PIK3CB: variants seen among roughly 807,000 people sequenced by gnomAD.
PIK3CB encodes phosphatidylinositol-4,5-bisphosphate 3-kinase catalytic subunit beta, also known as phosphatidylinositol 4,5-bisphosphate 3-kinase catalytic subunit beta isoform.
PIK3CB carries 39 observed loss-of-function variants against 136.8 expected under a neutral mutation model. The observed-to-expected ratio is 0.29, with a 90% CI of 0.22 to 0.37. PIK3CB has a LOEUF of 0.37. PIK3CB is among the 10% of genes least tolerant of loss of function. PIK3CB has a pLI of 1.00. For missense variants in PIK3CB, 868 were observed against 1,275.4 expected (o/e 0.68, Z 4.87); for synonymous variants, 428 against 436.6 (o/e 0.98, Z 0.25).
At chr3:138,769,067 G>A (rs1248015260) in intron 2 of PIK3CB, among the ~76,000 whole-genome samples, 2 of 152,126 alleles carry the variant, frequency 1.3e-5, no homozygotes, top group Non-Finnish European at 2.9e-5. Context: ...TTGGGTAGCT[G>A]CAGCTGCTCC....
At position 138,688,954 on chromosome 3, in the gene PIK3CB, G is replaced by A. The variant is rs768188142; in HGVS notation, c.2057C>T (p.Ala686Val). The A allele has an allele frequency of 6.2e-7, 1 of 1,612,360 alleles. No homozygotes were observed. Among genetic ancestry groups the A allele is most frequent in the Non-Finnish European group, 8.5e-7 (1 of 1,178,390 alleles). The part of the protein sequence containing the change: ...WHLRSEVHIP[A>V]VSVQFGVILE... ...GATGACACCAAATTGTACTGAGACAGCAGGAATGTGCACTTCTGACCTGCA... is the reference window on the plus strand; with the variant it reads ...GATGACACCAAATTGTACTGAGACAACAGGAATGTGCACTTCTGACCTGCA... Residue 686 changes from alanine (A) to valine (V), a missense_variant, in exon 16 of 24, where the codon GCT (alanine) becomes GTT (valine). Ala to Val is a moderately conservative substitution (Grantham distance 64, BLOSUM62 0). Around this residue, in one of 4 missense-constraint regions of PIK3CB, gnomAD observed 165 missense variants for 295.4 expected, o/e 0.56. Transcript: ENST00000674063.
chr3:138,822,870 TATGAAATATATATATGAAATATTTATAC>T (rs1933622804), intron 1 of PIK3CB, among the ~76,000 whole-genome samples: 3 of 146,742 alleles, frequency 2.0e-5, no homozygotes, highest in South Asian at 2.1e-4. Context: ...ACGAAATATA[TATGAAATATATATATGAAATATTTATAC>T]ATGAAATATA....
At chr3:138,819,424 A>G (rs1011320901) in intron 1 of PIK3CB, among the ~76,000 whole-genome samples, 12 of 152,224 alleles carry the variant, frequency 7.9e-5, no homozygotes, top group Non-Finnish European at 1.2e-4. Flanking sequence ...AACTCTTGGT[A>G]AAGTTCTGAA....
At chr3:138,720,220 G>A (rs192609572) in intron 8 of PIK3CB, among the ~76,000 whole-genome samples, 102 of 152,170 alleles carry the variant, frequency 6.7e-4, no homozygotes, top group African/African-American at 2.2e-3. Flanking sequence ...ACAATCTCAC[G>A]ATGCCACCCT....
intron 19 of PIK3CB, among the ~76,000 whole-genome samples, chr3:138,678,518 A>C (rs1409011306): frequency 6.6e-6 from 1 of 152,322 alleles, no homozygotes; most frequent in East Asian, 1.9e-4. Flanking sequence ...AAGATAGTAG[A>C]AATAAATAAG....
At chr3:138,690,471 T>C (rs899525886) in intron 15 of PIK3CB, among the ~76,000 whole-genome samples, 3 of 151,802 alleles carry the variant, frequency 2.0e-5, no homozygotes, top group African/African-American at 7.2e-5. Flanking sequence ...TATATGAACT[T>C]GGTGAAGTAA....
intron 7 of PIK3CB, 129 bp downstream of exon 7, chr3:138,734,505 G>A (rs533971104): frequency 9.3e-6 from 5 of 535,404 alleles, no homozygotes; most frequent in South Asian, 4.6e-5. Context: ...AATGGTGATC[G>A]ATTTTTGGCA....
intron 22 of PIK3CB, among the ~76,000 whole-genome samples, chr3:138,657,019 G>C (rs539955560): frequency 7.9e-5 from 12 of 152,060 alleles, no homozygotes; most frequent in Non-Finnish European, 1.6e-4. Flanking sequence ...TGTGTGCCTT[G>C]GCCTCCCAAA....
At chr3:138,759,678 C>T (rs2045634968) in intron 2 of PIK3CB, among the ~76,000 whole-genome samples, 1 of 151,920 alleles carries the variant, frequency 6.6e-6, no homozygotes, top group Admixed American at 6.6e-5. Flanking sequence ...CACACACACA[C>T]CACATTGATT....
At chr3:138,716,048 CTT>C (rs1651121508) in intron 8 of PIK3CB, among the ~76,000 whole-genome samples, 2 of 151,780 alleles carry the variant, frequency 1.3e-5, no homozygotes, top group Admixed American at 6.6e-5. Context: ...ATATTTGAAA[CTT>C]TTCTTTTGAA....
intron 2 of PIK3CB, among the ~76,000 whole-genome samples, chr3:138,784,665 G>C (rs553617726): frequency 2.0e-5 from 3 of 152,286 alleles, no homozygotes; most frequent in East Asian, 1.9e-4. Context: ...TCCTGACCGC[G>C]AGTGATCTGC....
chr3:138,669,869 G>A (rs754449893), intron 19 of PIK3CB, among the ~76,000 whole-genome samples: 5 of 151,852 alleles, frequency 3.3e-5, no homozygotes, highest in Admixed American at 6.6e-5. Context: ...ACAGCTGGCC[G>A]AAAGAAAAAA....
intron 1 of PIK3CB, chr3:138,826,179 G>C: frequency 8.6e-7 from 1 of 1,166,992 alleles, no homozygotes. Context: ...GATGTATGTT[G>C]AGAGCTTCTA....
chr3:138,810,420 C>A (rs925330676), intron 1 of PIK3CB, among the ~76,000 whole-genome samples: 2 of 152,058 alleles, frequency 1.3e-5, no homozygotes, highest in African/African-American at 4.8e-5. Flanking sequence ...TGATCAAGGA[C>A]AACATCAACA....
At chr3:138,771,747 T>C (rs746449506) in intron 2 of PIK3CB, among the ~76,000 whole-genome samples, 31 of 152,026 alleles carry the variant, frequency 2.0e-4, no homozygotes, top group Admixed American at 5.3e-4. Context: ...TGAGACCCCA[T>C]CTCTACAAAA....
intron 10 of PIK3CB, 189 bp from the exon 11 acceptor site, chr3:138,707,478 G>C: frequency 7.5e-7 from 1 of 1,332,750 alleles, no homozygotes; most frequent in Non-Finnish European, 9.5e-7. Flanking sequence ...GTGTGAGTTT[G>C]CATACATGTT....
Position 138,712,290 on chromosome 3 carries a change from C to T in PIK3CB, c.1317G>A (p.Ala439=), listed in dbSNP as rs374037091. 34 of 1,555,834 alleles carry T rather than the reference C, an allele frequency of 2.2e-5. No homozygotes were observed. The highest frequency in any genetic ancestry group is 1.7e-4 in the Middle Eastern group (1 of 5,956). The change falls in exon 10 of 24, where the codon GCG becomes GCA. Residue 439 remains alanine, a synonymous_variant. Transcript: ENST00000674063. ...AGTCAAAAACCATCGTATTTACCCA[C>T]GCTACAGGATAATGCTGTTGAAAAA... ...RKAGKVHYPV[A]WVNTMVFDFK...
intron 1 of PIK3CB, among the ~76,000 whole-genome samples, chr3:138,823,182 G>T (rs925435572): frequency 2.0e-5 from 3 of 151,656 alleles, no homozygotes; most frequent in African/African-American, 7.3e-5. Flanking sequence ...AGCTACTCTG[G>T]AGCCTGAGGT....
At chr3:138,756,832 T>C (rs1446594304) in intron 3 of PIK3CB, among the ~76,000 whole-genome samples, 2 of 152,070 alleles carry the variant, frequency 1.3e-5, no homozygotes, top group African/African-American at 4.8e-5. Flanking sequence ...AAAGGTAAAC[T>C]GAACTTCACC....
Sources: allele counts gnomAD v4.1 joint callset (sites outside exome capture counted in the v4.1 genomes callset), GRCh38; gene constraint gnomAD v4.1.1; regional missense constraint gnomAD v4.1.1; transcripts MANE v1.5; gene names NCBI Gene and HGNC (gene_info 2026-07-23, HGNC 2026-07-21).